IQGAP1: variants seen among roughly 807,000 people sequenced by gnomAD.
IQGAP1 encodes the protein IQ motif containing GTPase activating protein 1.
IQGAP1 carries 66 observed loss-of-function variants against 215.6 expected under a neutral mutation model. That is an observed-to-expected ratio of 0.31 (90% confidence interval 0.25 to 0.38). The LOEUF (loss-of-function observed/expected upper bound fraction) is 0.38. IQGAP1 is among the 10% of genes least tolerant of loss of function. The pLI is 1.00. For synonymous variants in IQGAP1, 772 were observed against 728.7 expected, an observed-to-expected ratio of 1.06 and a Z score of -0.96; for missense variants, 1,712 against 1,997.1, an observed-to-expected ratio of 0.86 and a Z score of 2.72.
chr15:90,473,222 C>T (rs1164084748), intron 19 of IQGAP1: 4 of 546,458 alleles, frequency 7.3e-6, no homozygotes, highest in Non-Finnish European at 1.3e-5. Context: ...TCTTGGGTAC[C>T]TCTTCCTCTC....
At chr15:90,417,988 C>T (rs1253688404) in intron 2 of IQGAP1, among the ~76,000 whole-genome samples, 2 of 152,132 alleles carry the variant, frequency 1.3e-5, no homozygotes, top group African/African-American at 2.4e-5. Context: ...TACATGTCTC[C>T]TTTTCCCATT....
intron 26 of IQGAP1, 132 bp downstream of exon 26, chr15:90,478,021 C>T: frequency 1.5e-6 from 1 of 671,716 alleles, no homozygotes. Flanking sequence ...GACAGAGTTT[C>T]ACTCTTGTCG....
rs146429823 is a variant in IQGAP1, at chr15:90,483,339, C to G, written c.3556-22C>G. Reference sequence around the variant, plus strand: ...TGGTGGTATGTCTTTTAATACCCATCTTTCTGTTTCGTCTGTTCCAGATTA... The same window carrying G: ...TGGTGGTATGTCTTTTAATACCCATGTTTCTGTTTCGTCTGTTCCAGATTA... On this transcript the variant is annotated intron_variant, in intron 28 of 37. Coordinates refer to ENST00000268182, the MANE Select transcript of IQGAP1 (RefSeq NM_003870.4). 3.3e-5 allele frequency: 52 copies of G among 1,562,148 alleles called. No individual in the cohort carries two copies. In the East Asian group the frequency reaches 1.1e-3, roughly 34 times the overall value.
chr15:90,496,993 T>G, intron 36 of IQGAP1: 1 of 339,370 alleles, frequency 2.9e-6, no homozygotes, highest in Non-Finnish European at 5.4e-6. Context: ...TGGTTCCTCT[T>G]TGATAGGATG....
intron 2 of IQGAP1, among the ~76,000 whole-genome samples, chr15:90,419,240 G>C (rs1413480645): frequency 1.3e-5 from 2 of 151,896 alleles, no homozygotes; most frequent in African/African-American, 4.8e-5. Context: ...ATACTTTTTG[G>C]AACCCACAGT....
chr15:90,456,834 G>A (rs1965687662), intron 15 of IQGAP1, among the ~76,000 whole-genome samples: 1 of 150,612 alleles, frequency 6.6e-6, no homozygotes, highest in Non-Finnish European at 1.5e-5. Context: ...GTTGCAGTGA[G>A]CCGAGATTGC....
rs377567774 is a variant in IQGAP1, at chr15:90,473,059, G to T, written c.2349+49G>T. 4.3e-4 allele frequency: 667 copies of T among 1,536,996 alleles called. No individual in the cohort carries two copies. Among genetic ancestry groups the T allele is most frequent in the Non-Finnish European group, 4.9e-4 (545 of 1,119,302 alleles). ...ACAGCAAGCGGGCATCTAGAGCAGG[G>T]GTAATAAACGGTCAGCTGTCACCAT... On this transcript the variant is annotated intron_variant, in intron 19 of 37. Transcript: ENST00000268182.
rs1965830968 is a variant in IQGAP1, at chr15:90,466,360, G to A, written c.1959G>A (p.Leu653=). Residue 653 remains leucine (L), a synonymous_variant, in exon 17 of 38, where the codon TTG becomes TTA. Transcript: ENST00000268182. ...LSALRSPDVG[L]YGVIPECGET... ...CCCTTCGCTCCCCTGATGTTGGCTTGTATGGAGTCATCCCTGAGTGTGGTG... is the reference window on the plus strand; with the variant it reads ...CCCTTCGCTCCCCTGATGTTGGCTTATATGGAGTCATCCCTGAGTGTGGTG... The A allele has an allele frequency of 6.2e-7, 1 of 1,614,156 alleles. No individual in the cohort carries two copies. The highest frequency in any genetic ancestry group is 2.2e-5 in the East Asian group (1 of 44,884).
At position 90,501,043 on chromosome 15, in the gene IQGAP1, TATATA is replaced by T. The variant is rs1966334112; in HGVS notation, c.*938_*942del. The T allele has an allele frequency of 6.6e-6, 1 of 152,664 alleles. No individual in the cohort carries two copies. The highest frequency in any genetic ancestry group is 2.4e-5 in the African/African-American group (1 of 41,458). The allele number at this position is 152,664 out of a possible 1,614,324, so 9.5% of individuals were successfully genotyped here. On this transcript the variant is annotated 3_prime_UTR_variant, in exon 38 of 38. Transcript: ENST00000268182. ...GTGGGTGATAGGAATTTTAAAGATT[TATATA>T]ATGCATCAAAAGCCTTAGAATAAGA...
chr15:90,395,413 C>CG (rs1335632865), intron 2 of IQGAP1, among the ~76,000 whole-genome samples: 8 of 152,158 alleles, frequency 5.3e-5, no homozygotes, highest in Non-Finnish European at 1.0e-4. Flanking sequence ...CTCCGCCTCC[C>CG]AGGTTAACGC....
chr15:90,483,463 G>A lies in IQGAP1; in HGVS notation c.3658G>A (p.Asp1220Asn), dbSNP rs777025460. The change falls in exon 29 of 38, where the codon GAC becomes AAC. Residue 1220 changes from aspartate to asparagine, a missense_variant. Transcript: ENST00000268182. ...DLSAGGQLTT[D>N]QRRNLGSIAK... ...GTCAGCAGGAGGCCAGCTTACCACA[G>A]ACCAACGCCGAAATCTGGGCTCCAT... 3.7e-6 allele frequency: 6 copies of A among 1,614,182 alleles called. 1 individual carries two copies. The South Asian group carries it at 5.5e-5, about 15-fold the overall frequency.
chr15:90,455,447 A>C (rs554985930), intron 14 of IQGAP1, among the ~76,000 whole-genome samples: 1 of 152,272 alleles, frequency 6.6e-6, no homozygotes, highest in South Asian at 2.1e-4. Context: ...CCCACCATGA[A>C]TCACAGAAAC....
At chr15:90,388,525 G>T (rs1180493323) in intron 1 of IQGAP1, 129 bp downstream of exon 1, 17 of 798,766 alleles carry the variant, frequency 2.1e-5, no homozygotes, top group Non-Finnish European at 2.7e-5. Flanking sequence ...CGGAAGAGCC[G>T]TCCCGGTGGG....
At chr15:90,441,341 C>G (rs1965446520) in intron 7 of IQGAP1, among the ~76,000 whole-genome samples, 165 bp from the exon 8 acceptor site, 1 of 152,108 alleles carries the variant, frequency 6.6e-6, no homozygotes, top group Non-Finnish European at 1.5e-5. Context: ...AGGCTCATAG[C>G]CTGGCCCAGG....
At position 90,456,329 on chromosome 15, in the gene IQGAP1, G is replaced by A; in HGVS notation, c.1776+14G>A. 1 of 1,613,492 alleles carries A rather than the reference G, an allele frequency of 6.2e-7. No homozygotes were observed. The highest frequency in any genetic ancestry group is 8.5e-7 in the Non-Finnish European group (1 of 1,179,672). On this transcript the variant is annotated intron_variant, in intron 15 of 37. Coordinates refer to ENST00000268182, the MANE Select transcript of IQGAP1 (RefSeq NM_003870.4). ...GAGAAAGCCCAGGTGAGTGGCATCG[G>A]AATTGTTCTTTATGTTCAGAGCACC...
chr15:90,410,359 T>C (rs144053010), intron 2 of IQGAP1, among the ~76,000 whole-genome samples: 3,224 of 152,234 alleles, frequency 0.021, 46 homozygotes, highest in Middle Eastern at 0.031. Context: ...GGATTATAAA[T>C]CATGCTGCTA....
At chr15:90,460,565 G>T (rs1239585127) in intron 15 of IQGAP1, among the ~76,000 whole-genome samples, 1 of 152,180 alleles carries the variant, frequency 6.6e-6, no homozygotes, top group East Asian at 1.9e-4. Context: ...TGGGAATGGG[G>T]CTTTGAAGGG....
chr15:90,474,994 CTTTTTTTT>C, intron 23 of IQGAP1: 6 of 119,300 alleles, frequency 5.0e-5, no homozygotes, highest in Non-Finnish European at 8.1e-5. Context: ...TGATTTTTGG[CTTTTTTTT>C]TTTTTTTTTT....
At chr15:90,422,718 CAG>C (rs1163002555) in intron 2 of IQGAP1, among the ~76,000 whole-genome samples, 1 of 143,980 alleles carries the variant, frequency 6.9e-6, no homozygotes, top group Non-Finnish European at 1.5e-5. Flanking sequence ...ATTTTTGAGA[CAG>C]AGTTTTGCTC....
Sources: allele counts gnomAD v4.1 joint callset (sites outside exome capture counted in the v4.1 genomes callset), GRCh38; gene constraint gnomAD v4.1.1; transcripts MANE v1.5; gene names NCBI Gene and HGNC (gene_info 2026-07-23, HGNC 2026-07-21).